The following CNTNAP5 variants were observed in gnomAD, a reference collection of about 807,000 sequenced individuals.
CNTNAP5 encodes the protein contactin-associated protein-like 5.
CNTNAP5 carries 72 observed loss-of-function variants against 150.2 expected under a neutral mutation model. The observed-to-expected ratio is 0.48, with a 90% CI of 0.40 to 0.58. The LOEUF is 0.58. CNTNAP5 is among the 20% of genes least tolerant of loss of function. The pLI is 0.00. For missense variants in CNTNAP5, 1,636 were observed against 1,626.2 expected (o/e 1.01, Z -0.10); for synonymous variants, 672 against 619.8 (o/e 1.08, Z -1.25).
intron 10 of CNTNAP5, among the ~76,000 whole-genome samples, chr2:124,550,312 C>A (rs1695598773): frequency 6.6e-6 from 1 of 152,118 alleles, no homozygotes; most frequent in Non-Finnish European, 1.5e-5. Flanking sequence ...CAGAACTTTG[C>A]TATTCAGTGA....
intron 1 of CNTNAP5, among the ~76,000 whole-genome samples, chr2:124,178,110 G>T (rs1344745919): frequency 6.6e-6 from 1 of 152,076 alleles, no homozygotes; most frequent in Non-Finnish European, 1.5e-5. Context: ...GCCTCCCAAA[G>T]TGCTGGGATT....
At chr2:124,312,795 C>A (rs1292852360) in intron 3 of CNTNAP5, among the ~76,000 whole-genome samples, 1 of 152,204 alleles carries the variant, frequency 6.6e-6, no homozygotes, top group Non-Finnish European at 1.5e-5. Context: ...TGGTCTCCAT[C>A]TCCTGACCTC....
intron 3 of CNTNAP5, among the ~76,000 whole-genome samples, chr2:124,367,041 T>C (rs1469105012): frequency 6.6e-6 from 1 of 152,202 alleles, no homozygotes; most frequent in African/African-American, 2.4e-5. Context: ...GTCATGTCTA[T>C]GTACATGTTT....
intron 19 of CNTNAP5, among the ~76,000 whole-genome samples, chr2:124,826,150 A>T (rs1682588457): frequency 6.6e-6 from 1 of 152,182 alleles, no homozygotes; most frequent in South Asian, 2.1e-4. Flanking sequence ...AGTTATTACT[A>T]CATTAATTAT....
intron 1 of CNTNAP5, among the ~76,000 whole-genome samples, chr2:124,072,684 A>G (rs1380189839): frequency 1.3e-5 from 2 of 151,936 alleles, no homozygotes; most frequent in African/African-American, 4.8e-5. Context: ...CTCTACAATG[A>G]ATATTACAAA....
chr2:124,666,109 T>C (rs1402147285), intron 13 of CNTNAP5, among the ~76,000 whole-genome samples: 3 of 152,106 alleles, frequency 2.0e-5, no homozygotes, highest in Non-Finnish European at 4.4e-5. Flanking sequence ...GAGTAAGTAG[T>C]CCTGAAGCGG....
chr2:124,607,081 C>T (rs993129145), intron 11 of CNTNAP5, among the ~76,000 whole-genome samples: 4 of 152,164 alleles, frequency 2.6e-5, no homozygotes, highest in African/African-American at 9.7e-5. Flanking sequence ...TTTTGAGTTA[C>T]TGTAGTCTAA....
At chr2:124,264,618 T>A (rs1045434021) in intron 3 of CNTNAP5, among the ~76,000 whole-genome samples, 1 of 151,970 alleles carries the variant, frequency 6.6e-6, no homozygotes, top group Non-Finnish European at 1.5e-5. Flanking sequence ...AAGACTGAAA[T>A]TAGGTTGTCA....
chr2:124,584,293 G>A (rs887504938), intron 11 of CNTNAP5, among the ~76,000 whole-genome samples: 3 of 151,992 alleles, frequency 2.0e-5, no homozygotes, highest in Non-Finnish European at 2.9e-5. Flanking sequence ...TTTCTGCCTC[G>A]GTTTTCCTGC....
At chr2:124,103,697 C>G (rs772570655) in intron 1 of CNTNAP5, among the ~76,000 whole-genome samples, 1 of 151,792 alleles carries the variant, frequency 6.6e-6, no homozygotes, top group Non-Finnish European at 1.5e-5. Context: ...TGTCTAGATG[C>G]GTGTAAGGAC....
chr2:124,160,776 C>G (rs1264940770), intron 1 of CNTNAP5, among the ~76,000 whole-genome samples: 1 of 152,142 alleles, frequency 6.6e-6, no homozygotes, highest in Non-Finnish European at 1.5e-5. Flanking sequence ...TTAAATTTTA[C>G]ATTTGTCACT....
chr2:124,818,209 A>T (rs1284449518), intron 19 of CNTNAP5, among the ~76,000 whole-genome samples: 7 of 152,312 alleles, frequency 4.6e-5, no homozygotes, highest in South Asian at 2.1e-4. Context: ...ACTATATTTT[A>T]GCCTCACTTG....
At chr2:124,832,658 T>C (rs1682740393) in intron 19 of CNTNAP5, among the ~76,000 whole-genome samples, 1 of 152,230 alleles carries the variant, frequency 6.6e-6, no homozygotes, top group South Asian at 2.1e-4. Context: ...TAAAGGATAA[T>C]ACTTCAATGA....
intron 8 of CNTNAP5, among the ~76,000 whole-genome samples, chr2:124,506,353 A>T (rs1694406989): frequency 6.6e-6 from 1 of 152,176 alleles, no homozygotes; most frequent in South Asian, 2.1e-4. Flanking sequence ...AAATGACTTT[A>T]AACAATTGCC....
chr2:124,321,455 A>G (rs74830716), intron 3 of CNTNAP5, among the ~76,000 whole-genome samples: 6 of 151,520 alleles, frequency 4.0e-5, no homozygotes, highest in Admixed American at 1.3e-4. Context: ...AAAAAAAAAA[A>G]AGAAAAAGAA....
At chr2:124,767,956 C>G (rs890401231) in intron 16 of CNTNAP5, among the ~76,000 whole-genome samples, 1 of 152,196 alleles carries the variant, frequency 6.6e-6, no homozygotes, top group African/African-American at 2.4e-5. Flanking sequence ...TCCTGAGAGG[C>G]CACTCACTTG....
At chr2:124,303,395 G>A (rs1377308184) in intron 3 of CNTNAP5, among the ~76,000 whole-genome samples, 1 of 152,178 alleles carries the variant, frequency 6.6e-6, no homozygotes, top group Non-Finnish European at 1.5e-5. Flanking sequence ...TTGTGCAAAT[G>A]TATATAACAG....
intron 1 of CNTNAP5, among the ~76,000 whole-genome samples, chr2:124,059,837 C>T (rs1447880741): frequency 1.3e-5 from 2 of 152,004 alleles, no homozygotes; most frequent in Non-Finnish European, 2.9e-5. Flanking sequence ...ATTCCAAGCA[C>T]AGAGTGTATG....
intron 2 of CNTNAP5, among the ~76,000 whole-genome samples, chr2:124,230,427 T>C (rs141758194): frequency 0.013 from 2,008 of 152,230 alleles, 48 homozygotes; most frequent in African/African-American, 0.046. Context: ...GTCTTCTCTC[T>C]GGATTTATTA....
Sources: allele counts gnomAD v4.1 joint callset (sites outside exome capture counted in the v4.1 genomes callset), GRCh38; gene constraint gnomAD v4.1.1; transcripts MANE v1.5; gene names NCBI Gene and HGNC (gene_info 2026-07-23, HGNC 2026-07-21).